Variants in AKAP17A observed in about 807,000 individuals in gnomAD.
AKAP17A encodes the protein A-kinase anchor protein 17A.
AKAP17A carries 15 observed loss-of-function variants against 52.2 expected under a neutral mutation model. The observed-to-expected ratio is 0.29, with a 90% CI of 0.19 to 0.44. AKAP17A has a LOEUF of 0.44. AKAP17A is among the 20% of genes least tolerant of loss of function. The pLI is 1.00. For synonymous variants in AKAP17A, 514 were observed against 424.7 expected (o/e 1.21, Z -2.58); for missense variants, 1,060 against 1,007.0 (o/e 1.05, Z -0.71).
Position 1,593,772 on chromosome X carries a change from A to G in AKAP17A, c.310A>G (p.Ser104Gly). Reference sequence around the variant, plus strand: ...CCTGGACGGCAAGACCATCAAGCTCAGCGGCTTCTCCGACATCCTGAAGGT... The same window carrying G: ...CCTGGACGGCAAGACCATCAAGCTCGGCGGCTTCTCCGACATCCTGAAGGT... Reference protein sequence around the residue: ...ACLDGKTIKLSGFSDILKVRA... With the variant: ...ACLDGKTIKLGGFSDILKVRA... Residue 104 changes from serine (S) to glycine (G), a missense_variant, in exon 2 of 5, where the codon AGC (serine) becomes GGC (glycine). Physicochemically the swap from Ser to Gly is moderately conservative, Grantham distance 56. Coordinates refer to ENST00000313871, the MANE Select transcript of AKAP17A (RefSeq NM_005088.3). 6.2e-7 allele frequency: 1 copy of G among 1,613,844 alleles called. No individual in the cohort carries two copies. Among genetic ancestry groups the G allele is most frequent in the Non-Finnish European group, 8.5e-7 (1 of 1,179,866 alleles).
intron 3 of AKAP17A, among the ~76,000 whole-genome samples, chrX:1,598,861 C>T (rs1603460233): frequency 2.0e-5 from 3 of 152,336 alleles, no homozygotes; most frequent in Non-Finnish European, 1.5e-5. Flanking sequence ...TGGGGTTCCT[C>T]TTTCACCCGT....
At chrX:1,595,041 A>C (rs1162845248) in intron 2 of AKAP17A, among the ~76,000 whole-genome samples, 12 of 152,200 alleles carry the variant, frequency 7.9e-5, no homozygotes. Flanking sequence ...GACTGTGGCC[A>C]CAGGGAATGG....
chrX:1,598,287 T>C (rs1430825504), intron 3 of AKAP17A, among the ~76,000 whole-genome samples: 1 of 151,362 alleles, frequency 6.6e-6, no homozygotes, highest in Non-Finnish European at 1.5e-5. Context: ...TGTCTGGGCG[T>C]CGGCACCTGG....
At position 1,599,275 on chromosome X, in the gene AKAP17A, G is replaced by A. The variant is rs201089425; in HGVS notation, c.995G>A (p.Arg332His). ...AAGAGGGAGCAGAAGCAGAGGGACC[G>A]TGAGCTGCGCCGGAATCAGAAGAAG... Reference protein sequence around the residue: ...LRKREQKQRDRELRRNQKKLE... With the variant: ...LRKREQKQRDHELRRNQKKLE... The change falls in exon 4 of 5, where the codon CGT becomes CAT. Residue 332 changes from arginine to histidine, a missense_variant. Physicochemically the swap from Arg to His is conservative, Grantham distance 29. Transcript: ENST00000313871. 6.9e-5 allele frequency: 112 copies of A among 1,612,104 alleles called. No individual in the cohort carries two copies. The highest frequency in any genetic ancestry group is 2.0e-4 in the Middle Eastern group (1 of 5,098).
At chrX:1,600,502 C>T (rs1174889188) in intron 4 of AKAP17A, among the ~76,000 whole-genome samples, 157 bp from the exon 5 acceptor site, 2 of 152,064 alleles carry the variant, frequency 1.3e-5, no homozygotes, top group Non-Finnish European at 2.9e-5. Context: ...CCTGGCTCGC[C>T]GTAGGAGACG....
intron 1 of AKAP17A, among the ~76,000 whole-genome samples, chrX:1,592,994 CT>C (rs1227388292): frequency 6.6e-6 from 1 of 152,172 alleles, no homozygotes; most frequent in Non-Finnish European, 1.5e-5. Context: ...TCCACAAAAC[CT>C]TTCCAGATGC....
intron 4 of AKAP17A, 134 bp downstream of exon 4, chrX:1,599,566 C>T (rs1303078844): frequency 2.5e-5 from 31 of 1,226,868 alleles, no homozygotes; most frequent in Middle Eastern, 1.9e-4. Context: ...GCTTTAATGC[C>T]GAGGATGACG....
rs761627203 is a variant in AKAP17A at position 1,601,564 on chromosome X, G to A, written c.2058G>A (p.Pro686=). ...GCGAGCGGTCGCGCTCCCGGTCCCC[G>A]AGCAGGCACCGCAGTACCTGGAACA... ...RRSERSRSRS[P]SRHRSTWNR Residue 686 remains proline, a synonymous_variant, in exon 5 of 5, where the codon CCG becomes CCA. Coordinates refer to ENST00000313871, the MANE Select transcript of AKAP17A (RefSeq NM_005088.3). The A allele has an allele frequency of 6.0e-5, 87 of 1,460,868 alleles. No homozygotes were observed. In the East Asian group the frequency reaches 8.7e-4, roughly 15 times the overall value. The allele number at this position is 1,460,868 out of a possible 1,614,324, so 90.5% of individuals were successfully genotyped here.
At chrX:1,598,634 T>A (rs28711276) in intron 3 of AKAP17A, among the ~76,000 whole-genome samples, 2 of 152,050 alleles carry the variant, frequency 1.3e-5, no homozygotes, top group Admixed American at 1.3e-4. Flanking sequence ...GCCGCATTCA[T>A]CCTCACTTCC....
chrX:1,601,608 C>G lies in AKAP17A; in HGVS notation c.*14C>G. ...TGGAACAGGTAATGACGGGCACGGC[C>G]TCCCCACGGCCTGTCCGGGAAAGAC... On this transcript the variant is annotated 3_prime_UTR_variant, in exon 5 of 5. Transcript: ENST00000313871. 1.4e-6 allele frequency: 2 copies of G among 1,413,452 alleles called. No individual in the cohort carries two copies. The highest frequency in any genetic ancestry group is 5.3e-5 in the East Asian group (2 of 37,466). The allele number at this position is 1,413,452 out of a possible 1,614,324, so 87.6% of individuals were successfully genotyped here.
chrX:1,601,622 TC>T lies in AKAP17A; in HGVS notation c.*30del. The T allele has an allele frequency of 2.1e-6, 3 of 1,397,882 alleles. No individual in the cohort carries two copies. The highest frequency in any genetic ancestry group is 2.8e-6 in the Non-Finnish European group (3 of 1,083,132). 86.6% of individuals were successfully genotyped at this position (1,397,882 alleles called of 1,614,324 possible). On this transcript the variant is annotated 3_prime_UTR_variant, in exon 5 of 5. Transcript: ENST00000313871. The stretch of plus-strand genomic sequence containing the variant: ...ACGGGCACGGCCTCCCCACGGCCTG[TC>T]CGGGAAAGACCAGGACCTGCTCGAG...
At position 1,599,184 on chromosome X, in the gene AKAP17A, C is replaced by T. The variant is rs748419764; in HGVS notation, c.912-8C>T. ...TCTCTGTGACCACCCCCGGTGTGTT[C>T]CACACAGGAAACAAAAGGAGCTGGA... On this transcript the variant is annotated splice_region_variant and splice_polypyrimidine_tract_variant and intron_variant, in intron 3 of 4. Transcript: ENST00000313871. 6.2e-7 allele frequency: 1 copy of T among 1,611,238 alleles called. No homozygotes were observed.
intron 1 of AKAP17A, among the ~76,000 whole-genome samples, 186 bp downstream of exon 1, chrX:1,591,955 CGG>C (rs1297720755): frequency 4.4e-5 from 1 of 22,720 alleles, no homozygotes; most frequent in East Asian, 1.1e-3. Context: ...ACGGGGGAAT[CGG>C]GGGCTGGGGA....
chrX:1,597,677 G>A (rs1254615091), intron 3 of AKAP17A, among the ~76,000 whole-genome samples: 8 of 141,236 alleles, frequency 5.7e-5, no homozygotes, highest in African/African-American at 1.1e-4. Flanking sequence ...GAGTGTCCCC[G>A]CAACATTTCA....
At chrX:1,599,540 T>C (rs745704650) in intron 4 of AKAP17A, 108 bp downstream of exon 4, 1 of 1,475,142 alleles carries the variant, frequency 6.8e-7, no homozygotes, top group Non-Finnish European at 9.3e-7. Context: ...CGGCTGCAGC[T>C]GTAGCTACGA....
intron 2 of AKAP17A, among the ~76,000 whole-genome samples, chrX:1,594,909 G>A (rs1333875183): frequency 1.3e-5 from 2 of 152,182 alleles, no homozygotes; most frequent in Non-Finnish European, 2.9e-5. Context: ...GAGCCACTGC[G>A]CTCAGCCTAG....
At chrX:1,597,021 T>A (rs1182088984) in intron 3 of AKAP17A, among the ~76,000 whole-genome samples, 10 of 152,220 alleles carry the variant, frequency 6.6e-5, no homozygotes, top group Admixed American at 2.6e-4. Context: ...GTCGCCGATA[T>A]CAAGTCTGGG....
At chrX:1,600,359 G>A (rs1360177580) in intron 4 of AKAP17A, 26 of 639,714 alleles carry the variant, frequency 4.1e-5, no homozygotes, top group East Asian at 6.2e-5. Flanking sequence ...TGGGGCTCCC[G>A]GCAGGGCTCG....
In AKAP17A at chrX:1,600,542, G is replaced by T; in HGVS notation, c.1153-117G>T. ...CCACCCCTGGGCTGGAGTCCAGCCAGGCCGCTGATCCTGCATCCCCAGACC... is the reference window on the plus strand; with the variant it reads ...CCACCCCTGGGCTGGAGTCCAGCCATGCCGCTGATCCTGCATCCCCAGACC... On this transcript the variant is annotated intron_variant, in intron 4 of 4. Coordinates refer to ENST00000313871, the MANE Select transcript of AKAP17A (RefSeq NM_005088.3). 1.4e-5 allele frequency: 15 copies of T among 1,080,490 alleles called. No individual in the cohort carries two copies. The South Asian group carries it at 2.5e-4, about 18-fold the overall frequency. 66.9% of individuals were successfully genotyped at this position (1,080,490 alleles called of 1,614,324 possible).
Sources: gnomAD v4.1 joint callset for allele counts (sites outside exome capture counted in the v4.1 genomes callset) on GRCh38, gnomAD v4.1.1 for gene constraint, MANE v1.5 for transcripts, NCBI Gene and HGNC (gene_info 2026-07-23, HGNC 2026-07-21) for gene names.